MTCL1: variants seen among roughly 807,000 people sequenced by gnomAD.
MTCL1 encodes microtubule crosslinking factor 1, also known as microtubule cross-linking factor 1.
A neutral mutation model predicts 141.4 loss-of-function variants in MTCL1; 79 were observed. The observed-to-expected ratio is 0.56, with a 90% CI of 0.47 to 0.67. The LOEUF (loss-of-function observed/expected upper bound fraction) is 0.67. Ranked by LOEUF, MTCL1 falls within the 30% of genes least tolerant of loss-of-function variation. MTCL1 has a pLI of 0.00. For missense variants in MTCL1, 2,177 were observed against 2,113.9 expected, an observed-to-expected ratio of 1.03 and a Z score of -0.59; for synonymous variants, 914 against 875.8, an observed-to-expected ratio of 1.04 and a Z score of -0.77.
At chr18:8,786,122 G>GCCCC in intron 7 of MTCL1, 31 bp downstream of exon 6, 2 of 484,720 alleles carry the variant, frequency 4.1e-6, no homozygotes, top group South Asian at 2.7e-5. Context: ...CCCCCCCCCC[G>GCCCC]CCCTCCCCCT....
chr18:8,715,923 C>T (rs1356524105), upstream of MTCL1, among the ~76,000 whole-genome samples: 1 of 152,142 alleles, frequency 6.6e-6, no homozygotes, highest in Admixed American at 6.5e-5. Flanking sequence ...GTTCTCTGGT[C>T]CCCTGAAGAG....
chr18:8,784,519 G>A (rs757546620), exon 6 of MTCL1: 10 of 1,602,536 alleles, frequency 6.2e-6, no homozygotes, highest in Middle Eastern at 1.7e-4. Context: ...GGACGGTGGA[G>A]CGCCTCATCA....
At position 8,830,451 on chromosome 18, in the gene MTCL1, G is replaced by C. The variant is rs2077161685; in HGVS notation, c.*19-1156G>C. 1.0e-6 allele frequency: 1 copy of C among 985,448 alleles called. No homozygotes were observed. The highest frequency in any genetic ancestry group is 6.1e-5 in the Admixed American group (1 of 16,264). The allele number at this position is 985,448 out of a possible 1,614,324, so 61.0% of individuals were successfully genotyped here. On this transcript the variant is annotated intron_variant, in intron 16 of 16. Transcript: ENST00000359865. This position sits in a 1 kb window ranked among gnomAD's most constrained non-coding sequence, Gnocchi z 6.4. ...GCCTGTGGCTCCCACGCTGTCCTCG[G>C]GCCATGCTGTCTCTGCCGTGTTCCA...
upstream of MTCL1, among the ~76,000 whole-genome samples, chr18:8,714,647 C>T (rs548205379): frequency 4.6e-5 from 7 of 152,256 alleles, no homozygotes; most frequent in East Asian, 1.9e-4. Context: ...CTCACTGTCA[C>T]GAGCAGCAGA....
At chr18:8,748,061 A>T (rs1488134748) in intron 4 of MTCL1, among the ~76,000 whole-genome samples, 1 of 152,004 alleles carries the variant, frequency 6.6e-6, no homozygotes, top group Non-Finnish European at 1.5e-5. Context: ...TACCCCTCAG[A>T]ACTGCTTGTG....
Position 8,779,566 on chromosome 18 carries a change from C to T in MTCL1, c.417+1674C>T, listed in dbSNP as rs770099473. The stretch of plus-strand genomic sequence containing the variant: ...CTCAGAACAGGCCGAGCTCAGCTTC[C>T]CTCAGGCCGCCCCTCTCCTGTACAC... On this transcript the variant is annotated intron_variant, in intron 5 of 16. Transcript: ENST00000359865. The surrounding 1 kb of genome is among the most constrained non-coding windows in gnomAD (Gnocchi z 4.1). Among the ~76,000 whole-genome samples, 1 of 152,162 alleles carries T rather than the reference C, an allele frequency of 6.6e-6. No individual in the cohort carries two copies. Among genetic ancestry groups the T allele is most frequent in the Non-Finnish European group, 1.5e-5 (1 of 68,034 alleles).
chr18:8,724,451 C>T (rs1008470723), intron 4 of MTCL1, among the ~76,000 whole-genome samples: 27 of 152,142 alleles, frequency 1.8e-4, no homozygotes, highest in African/African-American at 5.3e-4. Context: ...TCTTTCTCCA[C>T]TCTATCCGTA....
At chr18:8,755,240 TCTC>T (rs1450223061) in intron 4 of MTCL1, among the ~76,000 whole-genome samples, 8 of 152,336 alleles carry the variant, frequency 5.3e-5, no homozygotes, top group African/African-American at 1.7e-4. Context: ...ACCTAGGCCT[TCTC>T]CTGCCAAGGT....
At chr18:8,780,243 GGACTGCCTGAGTCCCTGGTCCACACGC>G (rs1381306562) in intron 5 of MTCL1, among the ~76,000 whole-genome samples, 2 of 152,172 alleles carry the variant, frequency 1.3e-5, no homozygotes, top group African/African-American at 4.8e-5. Context: ...AGGCAGAGTG[GGACTGCCTGAGTCCCTGGTCCACACGC>G]CTGTTTGAGC....
chr18:8,827,137 C>T (rs1167741990), intron 15 of MTCL1, among the ~76,000 whole-genome samples: 1 of 152,234 alleles, frequency 6.6e-6, no homozygotes, highest in Non-Finnish European at 1.5e-5. Context: ...CCCATGAGCA[C>T]TCTCCGAGCC....
At chr18:8,784,109 C>T in exon 6 of MTCL1, 1 of 1,613,438 alleles carries the variant, frequency 6.2e-7, no homozygotes, top group South Asian at 1.1e-5. Flanking sequence ...GGGTGGGGCC[C>T]CCCTGCAGGA....
At chr18:8,799,121 A>C (rs1355119423) in intron 10 of MTCL1, among the ~76,000 whole-genome samples, 1 of 152,204 alleles carries the variant, frequency 6.6e-6, no homozygotes, top group Non-Finnish European at 1.5e-5. Flanking sequence ...TGCGGCAGTC[A>C]TATGGGCGCG....
intron 7 of MTCL1, 54 bp from the exon 7 acceptor site, chr18:8,792,944 C>T (rs1253396020): frequency 6.2e-7 from 1 of 1,605,326 alleles, no homozygotes. Context: ...TGCGTCGTCA[C>T]CTCAGGCAGA....
chr18:8,711,756 ATTTG>A (rs2096093977), intron 1 of MTCL1, among the ~76,000 whole-genome samples: 1 of 150,720 alleles, frequency 6.6e-6, no homozygotes, highest in Non-Finnish European at 1.5e-5. Context: ...TTTCTTGTAA[ATTTG>A]TTTGAGTTCA....
intron 4 of MTCL1, among the ~76,000 whole-genome samples, chr18:8,721,136 C>T (rs1231106660): frequency 1.3e-5 from 2 of 152,134 alleles, no homozygotes; most frequent in African/African-American, 4.8e-5. Flanking sequence ...TTGTTATTGA[C>T]TTCCATTATA....
At chr18:8,824,641 TGTG>T (rs1349714379) in intron 14 of MTCL1, 55 bp from the exon 14 acceptor site, 29 of 1,447,154 alleles carry the variant, frequency 2.0e-5, no homozygotes, top group Non-Finnish European at 2.5e-5. Context: ...ACATGGGTGT[TGTG>T]GTGTGTCAGA....
chr18:8,780,199 C>T (rs2096528063), intron 5 of MTCL1, among the ~76,000 whole-genome samples: 1 of 152,224 alleles, frequency 6.6e-6, no homozygotes. Context: ...CATTTTTCCC[C>T]TTCCGTGGGG....
chr18:8,754,135 G>A (rs1222994240), intron 4 of MTCL1, among the ~76,000 whole-genome samples: 1 of 152,106 alleles, frequency 6.6e-6, no homozygotes, highest in Non-Finnish European at 1.5e-5. Flanking sequence ...CAGTGGCACT[G>A]TCTTGCCTCA....
At chr18:8,766,786 G>C (rs2096461865) in intron 4 of MTCL1, among the ~76,000 whole-genome samples, 1 of 152,358 alleles carries the variant, frequency 6.6e-6, no homozygotes, top group South Asian at 2.1e-4. Context: ...GGCAGGTGCA[G>C]CTGGGACTTC....
Sources: gnomAD v4.1 joint callset for allele counts (sites outside exome capture counted in the v4.1 genomes callset) on GRCh38, gnomAD v4.1.1 for gene constraint, Gnocchi (gnomAD v3.1) non-coding constraint, MANE v1.5 for transcripts, NCBI Gene and HGNC (gene_info 2026-07-23, HGNC 2026-07-21) for gene names.